RASGEF1C: variants seen among roughly 807,000 people sequenced by gnomAD.
RASGEF1C encodes the protein RasGEF domain family member 1C, also known as ras-GEF domain-containing family member 1C.
A neutral mutation model predicts 58.1 loss-of-function variants in RASGEF1C; 27 were observed. The ratio of observed to expected loss-of-function variants is 0.46; its 90% CI spans 0.34 to 0.64. RASGEF1C has a LOEUF of 0.64. Among genes scored for constraint, RASGEF1C ranks in the 30% least tolerant of loss-of-function variants. RASGEF1C has a pLI of 0.01. For synonymous variants in RASGEF1C, 243 were observed against 246.3 expected (o/e 0.99, Z 0.13); for missense variants, 502 against 605.1 (o/e 0.83, Z 1.79).
At chr5:180,114,688 A>G in intron 10 of RASGEF1C, 147 bp from the exon 11 acceptor site, 2 of 642,336 alleles carry the variant, frequency 3.1e-6, no homozygotes, top group Non-Finnish European at 5.2e-6. Context: ...TTCCTGGGCT[A>G]GCCGGGGCCT....
intron 1 of RASGEF1C, among the ~76,000 whole-genome samples, chr5:180,139,264 G>T (rs1195771284): frequency 6.6e-6 from 1 of 152,202 alleles, no homozygotes; most frequent in South Asian, 2.1e-4. Flanking sequence ...ACCTGTGACT[G>T]TTTAGACAGC....
chr5:180,195,169 TGGGGAGCAGCTGG>T lies in RASGEF1C; in HGVS notation c.-7+13846_-7+13858del, dbSNP rs35105894. 7.3e-3 allele frequency among the ~76,000 whole-genome samples: 1,107 copies of T among 152,198 alleles called. 14 individuals carry two copies. Among genetic ancestry groups the T allele is most frequent in the African/African-American group, 0.025 (1,056 of 41,528 alleles). On this transcript the variant is annotated intron_variant, in intron 1 of 13. Coordinates refer to ENST00000361132, the MANE Select transcript of RASGEF1C (RefSeq NM_175062.4). Reference sequence around the variant, plus strand: ...ACGTGGCCTGACTCCTGTTTGACCTTGGGGAGCAGCTGGGGCATCGTGCCCTCCCGCCAGCGTC... The same window carrying T: ...ACGTGGCCTGACTCCTGTTTGACCTTGGCATCGTGCCCTCCCGCCAGCGTC...
At chr5:180,162,384 A>G (rs1343660246) in intron 1 of RASGEF1C, among the ~76,000 whole-genome samples, 1 of 152,268 alleles carries the variant, frequency 6.6e-6, no homozygotes, top group Non-Finnish European at 1.5e-5. Context: ...CACCCAGTGC[A>G]CTGGCACTCC....
At chr5:180,203,999 C>T (rs1413404721) in intron 1 of RASGEF1C, among the ~76,000 whole-genome samples, 1 of 20,604 alleles carries the variant, frequency 4.9e-5, no homozygotes, top group African/African-American at 1.8e-4. Context: ...TCTCAAAAAA[C>T]AAACAAACAA....
intron 1 of RASGEF1C, among the ~76,000 whole-genome samples, chr5:180,191,021 C>T (rs1463428080): frequency 6.6e-6 from 1 of 152,102 alleles, no homozygotes; most frequent in African/African-American, 2.4e-5. Flanking sequence ...TTACAGATGG[C>T]AAATAGGCAT....
chr5:180,127,441 G>A (rs559996372), intron 6 of RASGEF1C, among the ~76,000 whole-genome samples, 168 bp downstream of exon 6: 3 of 152,342 alleles, frequency 2.0e-5, no homozygotes, highest in Admixed American at 6.5e-5. Context: ...TTGTCGTGGT[G>A]CGCCCCCGAG....
intron 1 of RASGEF1C, among the ~76,000 whole-genome samples, chr5:180,207,577 G>A (rs1257356043): frequency 1.3e-5 from 2 of 152,122 alleles, no homozygotes; most frequent in East Asian, 3.9e-4. Flanking sequence ...CTGGTGGCCT[G>A]CGGGCTCCCC....
intron 3 of RASGEF1C, 64 bp from the exon 4 acceptor site, chr5:180,136,579 C>A: frequency 6.7e-7 from 1 of 1,503,744 alleles, no homozygotes; most frequent in Non-Finnish European, 8.9e-7. Context: ...AGCCTCACTG[C>A]GCGTCCTTGC....
At chr5:180,106,300 G>C (rs1765872727) in intron 12 of RASGEF1C, among the ~76,000 whole-genome samples, 1 of 152,094 alleles carries the variant, frequency 6.6e-6, no homozygotes, top group Non-Finnish European at 1.5e-5. Flanking sequence ...ATTGATTTCT[G>C]CTCTTATTTC....
chr5:180,161,046 A>G (rs56795894), intron 1 of RASGEF1C, among the ~76,000 whole-genome samples: 1 of 152,308 alleles, frequency 6.6e-6, no homozygotes, highest in East Asian at 1.9e-4. Flanking sequence ...ATCACTAAAC[A>G]TAGGGGCCCA....
intron 1 of RASGEF1C, among the ~76,000 whole-genome samples, chr5:180,166,697 G>A (rs955519655): frequency 1.3e-5 from 2 of 151,884 alleles, no homozygotes; most frequent in Admixed American, 6.6e-5. Flanking sequence ...TGTAGTTTTA[G>A]TAGAGACGGG....
chr5:180,208,839 T>C (rs1181545391), intron 1 of RASGEF1C, among the ~76,000 whole-genome samples, 189 bp downstream of exon 1: 3 of 151,168 alleles, frequency 2.0e-5, no homozygotes, highest in Non-Finnish European at 4.4e-5. Flanking sequence ...CCCTACCCGC[T>C]ACCCCCGCGC....
chr5:180,120,578 G>A (rs934331307), intron 7 of RASGEF1C, among the ~76,000 whole-genome samples: 18 of 152,198 alleles, frequency 1.2e-4, no homozygotes, highest in Admixed American at 2.0e-4. Flanking sequence ...AGGCGGGACC[G>A]CGACTCAGGG....
At chr5:180,195,887 C>T (rs536441193) in intron 1 of RASGEF1C, among the ~76,000 whole-genome samples, 1 of 152,196 alleles carries the variant, frequency 6.6e-6, no homozygotes, top group South Asian at 2.1e-4. Flanking sequence ...TCCTCCCCGT[C>T]CAGGTCCCCA....
chr5:180,161,421 C>G (rs1581114052), intron 1 of RASGEF1C, among the ~76,000 whole-genome samples: 1 of 152,192 alleles, frequency 6.6e-6, no homozygotes, highest in African/African-American at 2.4e-5. Context: ...TGCGGCAGCC[C>G]CGGCGACACG....
chr5:180,166,936 C>T (rs747879638), intron 1 of RASGEF1C, among the ~76,000 whole-genome samples: 1 of 152,162 alleles, frequency 6.6e-6, no homozygotes, highest in Non-Finnish European at 1.5e-5. Context: ...TCATTTGAAC[C>T]ATTCTTCCCT....
chr5:180,115,363 C>A (rs1766049010), intron 10 of RASGEF1C: 1 of 402,210 alleles, frequency 2.5e-6, no homozygotes, highest in Non-Finnish European at 4.8e-6. Flanking sequence ...TCCCGATGCA[C>A]TTACTGTTAG....
intron 7 of RASGEF1C, among the ~76,000 whole-genome samples, chr5:180,119,892 C>T (rs915936368): frequency 6.6e-6 from 1 of 152,320 alleles, no homozygotes; most frequent in Admixed American, 6.5e-5. Context: ...CTGACAACTG[C>T]GTGACTGGTA....
rs1273374787 is a variant in RASGEF1C, at chr5:180,101,367, G to A, written c.*134C>T. 8.0e-5 allele frequency: 73 copies of A among 915,092 alleles called. No homozygotes were observed. Among genetic ancestry groups the A allele is most frequent in the Non-Finnish European group, 1.0e-4 (64 of 617,000 alleles). The allele number at this position is 915,092 out of a possible 1,614,324, so 56.7% of individuals were successfully genotyped here. On this transcript the variant is annotated 3_prime_UTR_variant, in exon 14 of 14. Transcript: ENST00000361132. Reference sequence around the variant, plus strand: ...TGGCCACTGTGGGGGGGGGGGGGGCGGGCAGCAGGCCACAGGGTCGGCATT... The same window carrying A: ...TGGCCACTGTGGGGGGGGGGGGGGCAGGCAGCAGGCCACAGGGTCGGCATT...
Sources: allele counts gnomAD v4.1 joint callset (sites outside exome capture counted in the v4.1 genomes callset), GRCh38; gene constraint gnomAD v4.1.1; transcripts MANE v1.5; gene names NCBI Gene and HGNC (gene_info 2026-07-23, HGNC 2026-07-21).